Variants in SLC39A11 observed in about 807,000 individuals in gnomAD.
SLC39A11 encodes solute carrier family 39 member 11.
A neutral mutation model predicts 36.1 loss-of-function variants in SLC39A11; 33 were observed. The observed-to-expected ratio is 0.91, with a 90% CI of 0.69 to 1.22. The LOEUF (loss-of-function observed/expected upper bound fraction) is 1.22, where lower values mean the gene tolerates loss of function less well. Among genes scored for constraint, SLC39A11 ranks in the 50% most tolerant of loss-of-function variants. SLC39A11 has a pLI of 0.00. For synonymous variants in SLC39A11, 166 were observed against 170.3 expected, an observed-to-expected ratio of 0.97 and a Z score of 0.20; for missense variants, 432 against 430.3, an observed-to-expected ratio of 1.00 and a Z score of -0.03.
intron 4 of SLC39A11, among the ~76,000 whole-genome samples, chr17:72,984,958 T>C (rs2088605445): frequency 6.6e-6 from 1 of 152,224 alleles, no homozygotes; most frequent in South Asian, 2.1e-4. Flanking sequence ...AACCCTCTTA[T>C]GGAATCAATT....
At chr17:72,935,495 G>A (rs565361279) in intron 5 of SLC39A11, among the ~76,000 whole-genome samples, 8 of 152,306 alleles carry the variant, frequency 5.3e-5, no homozygotes, top group African/African-American at 1.7e-4. Flanking sequence ...TTAAAAACTC[G>A]TGGAACTGTA....
At chr17:73,027,880 CCTT>C (rs1215035359) in intron 4 of SLC39A11, among the ~76,000 whole-genome samples, 2 of 152,284 alleles carry the variant, frequency 1.3e-5, no homozygotes, top group East Asian at 3.9e-4. Flanking sequence ...TTCCGCATCT[CCTT>C]ATTTCTCCAG....
At chr17:72,933,252 A>G (rs536007029) in intron 5 of SLC39A11, among the ~76,000 whole-genome samples, 1 of 152,346 alleles carries the variant, frequency 6.6e-6, no homozygotes, top group South Asian at 2.1e-4. Context: ...GCTAGCACAT[A>G]CAAAGTCAAT....
rs146883975 is a variant in SLC39A11, at chr17:73,041,741, G to C, written c.148-10027C>G. ...GATAACCTTAACACCCACCTGGACT[G>C]TGCATTTGTGGAAGGCTTGTAAATC... is the stretch of plus-strand genomic sequence containing the variant. On this transcript the variant is annotated intron_variant, in intron 3 of 9. Transcript: ENST00000255559. 6.4e-3 allele frequency among the ~76,000 whole-genome samples: 975 copies of C among 152,348 alleles called. 11 individuals carry two copies. The highest frequency in any genetic ancestry group is 0.022 in the African/African-American group (927 of 41,582).
At chr17:72,763,365 T>C (rs1424321956) in intron 6 of SLC39A11, among the ~76,000 whole-genome samples, 1 of 152,240 alleles carries the variant, frequency 6.6e-6, no homozygotes, top group Non-Finnish European at 1.5e-5. Context: ...TCCAACCTAA[T>C]GAGTTTTAGA....
chr17:72,680,999 T>A (rs1363084093), intron 7 of SLC39A11, among the ~76,000 whole-genome samples: 4 of 152,214 alleles, frequency 2.6e-5, no homozygotes, highest in African/African-American at 9.7e-5. Context: ...TGGATTGCAG[T>A]AGCACAATCT....
At chr17:72,955,211 C>T (rs1171474363) in intron 4 of SLC39A11, among the ~76,000 whole-genome samples, 1 of 151,540 alleles carries the variant, frequency 6.6e-6, no homozygotes, top group Non-Finnish European at 1.5e-5. Context: ...AGGAAGCCTT[C>T]CTAGATGTAC....
At chr17:72,911,037 G>T (rs1331546737) in intron 5 of SLC39A11, among the ~76,000 whole-genome samples, 1 of 152,002 alleles carries the variant, frequency 6.6e-6, no homozygotes, top group Non-Finnish European at 1.5e-5. Context: ...CTCAGTATAG[G>T]TTCTTTTTTC....
chr17:72,693,405 C>T (rs534295179), intron 7 of SLC39A11, among the ~76,000 whole-genome samples: 1 of 152,250 alleles, frequency 6.6e-6, no homozygotes, highest in Non-Finnish European at 1.5e-5. Flanking sequence ...GCTGCCCTCT[C>T]TTTAGAATGC....
At chr17:72,985,416 T>TTTTA (rs1568071334) in intron 4 of SLC39A11, among the ~76,000 whole-genome samples, 11 of 138,096 alleles carry the variant, frequency 8.0e-5, no homozygotes, top group Admixed American at 7.8e-4. Context: ...CCTTTTTTTT[T>TTTTA]TTTTTTTTTT....
At chr17:72,878,749 G>C (rs770748600) in intron 5 of SLC39A11, among the ~76,000 whole-genome samples, 1 of 152,140 alleles carries the variant, frequency 6.6e-6, no homozygotes, top group Non-Finnish European at 1.5e-5. Flanking sequence ...AACTGTATGG[G>C]GATTTCTCCC....
intron 7 of SLC39A11, among the ~76,000 whole-genome samples, chr17:72,659,574 CTTTTTTTTTTTTTTT>C (rs34383683): frequency 1.2e-3 from 72 of 61,204 alleles, no homozygotes; most frequent in African/African-American, 4.2e-3. Flanking sequence ...CTCTGTGACT[CTTTTTTTTTTTTTTT>C]TTTTTTTTTT....
rs144251005 is a variant in SLC39A11 at position 72,700,063 on chromosome 17, G to A, written c.671+36587C>T. 5.9e-4 allele frequency among the ~76,000 whole-genome samples: 86 copies of A among 146,848 alleles called. No homozygotes were observed. In the East Asian group the frequency reaches 0.013, roughly 22 times the overall value. On this transcript the variant is annotated intron_variant, in intron 7 of 9. Coordinates refer to ENST00000255559, the MANE Select transcript of SLC39A11 (RefSeq NM_139177.4). ...GCAAGAACAGAAGCTCTTGGGAGAC[G>A]AAGGTTGAATGTGTAATCTTGGTTG...
intron 4 of SLC39A11, among the ~76,000 whole-genome samples, chr17:72,972,404 A>G (rs1021806782): frequency 2.6e-5 from 4 of 152,130 alleles, no homozygotes; most frequent in Non-Finnish European, 5.9e-5. Flanking sequence ...CGTAAACCTA[A>G]TATTTACTCA....
chr17:73,003,941 C>T (rs560731163), intron 4 of SLC39A11, among the ~76,000 whole-genome samples: 4 of 151,932 alleles, frequency 2.6e-5, no homozygotes, highest in African/African-American at 9.7e-5. Context: ...CAGAAATTAG[C>T]TGGGCATGGT....
At chr17:72,877,167 T>C (rs2080944366) in intron 5 of SLC39A11, among the ~76,000 whole-genome samples, 1 of 152,254 alleles carries the variant, frequency 6.6e-6, no homozygotes, top group African/African-American at 2.4e-5. Flanking sequence ...CCCTTTTCTT[T>C]AGATCATTGT....
Position 72,849,619 on chromosome 17 carries a change from C to G in SLC39A11, c.601+15G>C, listed in dbSNP as rs377363641. 7 of 1,464,600 alleles carry G rather than the reference C, an allele frequency of 4.8e-6. No individual in the cohort carries two copies. Among genetic ancestry groups the G allele is most frequent in the Non-Finnish European group, 6.4e-6 (7 of 1,102,338 alleles). 90.7% of individuals were successfully genotyped at this position (1,464,600 alleles called of 1,614,324 possible). ...CTTCAGGCAGTGGCTGTCACGCTCA[C>G]GGGCAAGACCTCACCTGGAACGTTG... On this transcript the variant is annotated intron_variant, in intron 6 of 9. Transcript: ENST00000255559.
chr17:72,797,696 C>G (rs189798808), intron 6 of SLC39A11, among the ~76,000 whole-genome samples: 1 of 152,150 alleles, frequency 6.6e-6, no homozygotes, highest in Admixed American at 6.5e-5. Flanking sequence ...TGGCCCGGCT[C>G]TGCAGAGGAT....
intron 4 of SLC39A11, among the ~76,000 whole-genome samples, chr17:72,977,466 A>G (rs577225635): frequency 6.6e-6 from 1 of 152,190 alleles, no homozygotes. Context: ...AGAGAAAACT[A>G]AAATACCAGG....
Sources: gnomAD v4.1 joint callset for allele counts (sites outside exome capture counted in the v4.1 genomes callset) on GRCh38, gnomAD v4.1.1 for gene constraint, MANE v1.5 for transcripts, NCBI Gene and HGNC (gene_info 2026-07-23, HGNC 2026-07-21) for gene names.